CACNA1B: variants seen among roughly 807,000 people sequenced by gnomAD.
CACNA1B encodes the protein calcium voltage-gated channel subunit alpha1 B.
Under a neutral mutation model 247.2 loss-of-function variants are expected in CACNA1B, and 70 were observed. The ratio of observed to expected loss-of-function variants is 0.28; its 90% CI spans 0.23 to 0.35. The LOEUF is 0.35. CACNA1B is among the 10% of genes least tolerant of loss of function. CACNA1B has a pLI of 1.00. For synonymous variants in CACNA1B, 1,231 were observed against 1,294.4 expected (o/e 0.95, Z 1.05); for missense variants, 2,367 against 3,197.4 (o/e 0.74, Z 6.26).
chr9:138,083,970 G>T (rs548364750), intron 36 of CACNA1B, among the ~76,000 whole-genome samples: 1 of 150,958 alleles, frequency 6.6e-6, no homozygotes, highest in Admixed American at 6.6e-5. Context: ...ATTGGTTCAG[G>T]TTCCTGAATT....
At chr9:137,943,255 C>G (rs143765603) in intron 6 of CACNA1B, among the ~76,000 whole-genome samples, 1 of 152,116 alleles carries the variant, frequency 6.6e-6, no homozygotes, top group Admixed American at 6.5e-5. Flanking sequence ...CTGTGGACAG[C>G]AAGTTGACCC....
At position 138,022,996 on chromosome 9, in the gene CACNA1B, C is replaced by T; in HGVS notation, c.2268-15C>T. 2 of 1,482,734 alleles carry T rather than the reference C, an allele frequency of 1.3e-6. No homozygotes were observed. The highest frequency in any genetic ancestry group is 2.6e-5 in the South Asian group (2 of 76,076). The allele number at this position is 1,482,734 out of a possible 1,614,324, so 91.8% of individuals were successfully genotyped here. On this transcript the variant is annotated splice_polypyrimidine_tract_variant and intron_variant, in intron 18 of 46. Coordinates refer to ENST00000371372, the MANE Select transcript of CACNA1B (RefSeq NM_000718.4). ...GCGGCAGACGGGGCCGCGCTCACCG[C>T]CAGTCTCCCCGCAGCAGGCAGCAGA... is the stretch of plus-strand genomic sequence containing the variant.
At chr9:137,963,417 G>T (rs928989609) in intron 10 of CACNA1B, among the ~76,000 whole-genome samples, 1 of 152,050 alleles carries the variant, frequency 6.6e-6, no homozygotes, top group African/African-American at 2.4e-5. Flanking sequence ...TATTTTTTGA[G>T]ACAGTCTCAC....
intron 37 of CACNA1B, among the ~76,000 whole-genome samples, chr9:138,101,401 G>T (rs1443094936): frequency 2.6e-5 from 4 of 152,218 alleles, no homozygotes; most frequent in African/African-American, 9.6e-5. Flanking sequence ...GCAGCCTTTT[G>T]AGAGTGCACA....
Position 137,955,430 on chromosome 9 carries a change from C to T in CACNA1B, c.1071-268C>T, listed in dbSNP as rs1957934930. ...CCCTCTGGGGACCAAGGCACCGTCC[C>T]TAAGTGCCACGGGAGTCTGAGGATG... On this transcript the variant is annotated intron_variant, in intron 7 of 46. Coordinates refer to ENST00000371372, the MANE Select transcript of CACNA1B (RefSeq NM_000718.4). The surrounding 1 kb of genome is among the most constrained non-coding windows in gnomAD (Gnocchi z 6.9). Among the ~76,000 whole-genome samples, 1 of 152,228 alleles carries T rather than the reference C, an allele frequency of 6.6e-6. No individual in the cohort carries two copies. Among genetic ancestry groups the T allele is most frequent in the South Asian group, 2.1e-4 (1 of 4,832 alleles).
At chr9:137,895,534 A>G (rs890049739) in intron 3 of CACNA1B, among the ~76,000 whole-genome samples, 2 of 152,180 alleles carry the variant, frequency 1.3e-5, no homozygotes, top group Non-Finnish European at 2.9e-5. Context: ...GGCATTTTGC[A>G]GTTTTAGGGA....
chr9:138,113,597 T>C (rs1265686047), intron 40 of CACNA1B, among the ~76,000 whole-genome samples: 21 of 70,680 alleles, frequency 3.0e-4, no homozygotes, highest in East Asian at 8.9e-4. Context: ...CGTGAGGGAG[T>C]GCCGGGAGGT....
chr9:138,000,824 T>C (rs1958567998), intron 15 of CACNA1B, among the ~76,000 whole-genome samples: 1 of 152,216 alleles, frequency 6.6e-6, no homozygotes, highest in African/African-American at 2.4e-5. Flanking sequence ...TCAAATCTCA[T>C]GGCATAAAGC....
intron 16 of CACNA1B, among the ~76,000 whole-genome samples, chr9:138,009,148 G>A (rs949147176): frequency 5.3e-5 from 8 of 152,238 alleles, no homozygotes; most frequent in Non-Finnish European, 7.3e-5. Context: ...ACCTGGTCCC[G>A]CGAGCTTTGA....
Position 137,914,494 on chromosome 9 carries a change from G to A in CACNA1B, c.623-160G>A, listed in dbSNP as rs1430144484. 1.3e-5 allele frequency among the ~76,000 whole-genome samples: 2 copies of A among 152,120 alleles called. No homozygotes were observed. Among genetic ancestry groups the A allele is most frequent in the African/African-American group, 2.4e-5 (1 of 41,414 alleles). On this transcript the variant is annotated intron_variant, in intron 4 of 46. Transcript: ENST00000371372. The surrounding 1 kb of genome is among the most constrained non-coding windows in gnomAD (Gnocchi z 4.3). ...ACACAAGCACTCTCTGCCCCTCTGC[G>A]CCTTAAGGGGCTTCAGCTCTATCCT...
intron 13 of CACNA1B, 147 bp downstream of exon 13, chr9:137,984,397 C>A: frequency 1.5e-6 from 1 of 666,710 alleles, no homozygotes; most frequent in Non-Finnish European, 2.6e-6. Context: ...AAGGTGGTTC[C>A]AAAACGGCCT....
chr9:138,089,175 C>T (rs1226960640), intron 36 of CACNA1B, among the ~76,000 whole-genome samples: 1 of 151,758 alleles, frequency 6.6e-6, no homozygotes. Context: ...ACAGCAGAAA[C>T]AGAAACAAAA....
In CACNA1B at chr9:138,057,616, C is replaced by T. The variant is rs1959559370; in HGVS notation, c.3969-116C>T. The T allele has an allele frequency of 2.1e-6, 2 of 964,988 alleles. No homozygotes were observed. Among genetic ancestry groups the T allele is most frequent in the South Asian group, 3.6e-5 (2 of 55,516 alleles). The allele number at this position is 964,988 out of a possible 1,614,324, so 59.8% of individuals were successfully genotyped here. The stretch of plus-strand genomic sequence containing the variant: ...GCATGTGGACATCCAGTTTTCCCAG[C>T]ACAGTCTGTTGGAGAGGCCATTCTT... On this transcript the variant is annotated intron_variant, in intron 26 of 46. Coordinates refer to ENST00000371372, the MANE Select transcript of CACNA1B (RefSeq NM_000718.4). The surrounding 1 kb of genome is among the most constrained non-coding windows in gnomAD (Gnocchi z 4.0).
chr9:138,025,718 C>T (rs1958912840), intron 20 of CACNA1B, among the ~76,000 whole-genome samples: 1 of 152,188 alleles, frequency 6.6e-6, no homozygotes, highest in Non-Finnish European at 1.5e-5. Flanking sequence ...CTCGGAACAG[C>T]CTTTCCATGC....
intron 6 of CACNA1B, among the ~76,000 whole-genome samples, chr9:137,920,059 G>A (rs2133287390): frequency 6.6e-6 from 1 of 152,294 alleles, no homozygotes; most frequent in South Asian, 2.1e-4. Context: ...CTGTGATAGT[G>A]CTGGGTACAG....
chr9:137,900,495 CTCTGTG>C (rs754388242), intron 3 of CACNA1B, among the ~76,000 whole-genome samples: 231 of 150,680 alleles, frequency 1.5e-3, no homozygotes, highest in Non-Finnish European at 2.7e-3. Context: ...TACTGTGTGT[CTCTGTG>C]TCTGTGTCTG....
intron 39 of CACNA1B, among the ~76,000 whole-genome samples, chr9:138,110,102 GAT>G (rs34989754): frequency 1.2e-4 from 17 of 144,412 alleles, no homozygotes; most frequent in African/African-American, 7.6e-5. Context: ...TTTGCTATAT[GAT>G]ATATATATAT....
At chr9:137,981,136 C>T (rs554935419) in intron 12 of CACNA1B, among the ~76,000 whole-genome samples, 12 of 152,320 alleles carry the variant, frequency 7.9e-5, no homozygotes, top group African/African-American at 2.9e-4. Flanking sequence ...TTCTCCGTAG[C>T]TTCGCCAACA....
chr9:138,115,246 C>A (rs768650458), intron 41 of CACNA1B, among the ~76,000 whole-genome samples: 5 of 152,204 alleles, frequency 3.3e-5, no homozygotes, highest in Non-Finnish European at 2.9e-5. Context: ...TGGTCCAATC[C>A]CCTAGTTGTG....
Sources: allele counts gnomAD v4.1 joint callset (sites outside exome capture counted in the v4.1 genomes callset), GRCh38; gene constraint gnomAD v4.1.1; non-coding constraint Gnocchi (gnomAD v3.1); transcripts MANE v1.5; gene names NCBI Gene and HGNC (gene_info 2026-07-23, HGNC 2026-07-21).